PLPPR1: variants seen among roughly 807,000 people sequenced by gnomAD.
PLPPR1 encodes phospholipid phosphatase related 1, also known as phospholipid phosphatase-related protein type 1.
A neutral mutation model predicts 33.1 loss-of-function variants in PLPPR1; 10 were observed. That is an observed-to-expected ratio of 0.30 (90% CI 0.19 to 0.51). PLPPR1 has a LOEUF of 0.51. Ranked by LOEUF, PLPPR1 falls within the 20% of genes least tolerant of loss-of-function variation. The pLI is 0.97. For missense variants in PLPPR1, 304 were observed against 408.1 expected (o/e 0.74, Z 2.20); for synonymous variants, 151 against 151.0 (o/e 1.00, Z 0.00).
intron 1 of PLPPR1, among the ~76,000 whole-genome samples, chr9:101,040,827 T>C (rs10989360): frequency 0.032 from 4,868 of 152,288 alleles, 140 homozygotes; most frequent in East Asian, 0.082. Flanking sequence ...AGGGACTCTG[T>C]ATATTTTGTC....
intron 1 of PLPPR1, among the ~76,000 whole-genome samples, chr9:101,124,530 T>C (rs1311246976): frequency 2.0e-5 from 3 of 152,176 alleles, no homozygotes. Flanking sequence ...AAGCATACCC[T>C]CACCTCCATA....
At chr9:101,179,288 G>T (rs1485298483) in intron 1 of PLPPR1, among the ~76,000 whole-genome samples, 2 of 152,028 alleles carry the variant, frequency 1.3e-5, no homozygotes, top group African/African-American at 4.8e-5. Context: ...ACACCATCAG[G>T]AAAAAAAGCA....
intron 1 of PLPPR1, among the ~76,000 whole-genome samples, chr9:101,063,709 C>G (rs1452893316): frequency 1.3e-5 from 2 of 151,996 alleles, no homozygotes; most frequent in Admixed American, 6.6e-5. Flanking sequence ...CTTAACTTGT[C>G]TGGTCATTTT....
At chr9:101,126,129 C>G (rs1343765291) in intron 1 of PLPPR1, among the ~76,000 whole-genome samples, 3 of 152,172 alleles carry the variant, frequency 2.0e-5, no homozygotes, top group African/African-American at 7.2e-5. Flanking sequence ...CTTGATTAAC[C>G]CAATATAGAG....
intron 1 of PLPPR1, among the ~76,000 whole-genome samples, chr9:101,159,213 A>G (rs1831740879): frequency 6.6e-6 from 1 of 152,208 alleles, no homozygotes; most frequent in Non-Finnish European, 1.5e-5. Flanking sequence ...CCCCAGTCAC[A>G]GAATTCATAT....
In PLPPR1 at chr9:101,077,344, G is replaced by A. The variant is rs557589583; in HGVS notation, c.-46+48242G>A. 2.7e-4 allele frequency among the ~76,000 whole-genome samples: 41 copies of A among 152,138 alleles called. 1 individual carries two copies. In the South Asian group the frequency reaches 4.1e-3, roughly 15 times the overall value. On this transcript the variant is annotated intron_variant, in intron 1 of 7. Transcript: ENST00000374874. The stretch of plus-strand genomic sequence containing the variant: ...TATTCTCTTTTCTACCAGCCACCCC[G>A]TTTCTCCAGCCGACTGGCTTAACCA...
At chr9:101,111,164 A>G (rs1446675554) in intron 1 of PLPPR1, among the ~76,000 whole-genome samples, 1 of 152,126 alleles carries the variant, frequency 6.6e-6, no homozygotes. Flanking sequence ...TGATTTTTAT[A>G]TTCTTCTTTT....
At chr9:101,198,672 C>T (rs12342841) in intron 2 of PLPPR1, among the ~76,000 whole-genome samples, 19,569 of 152,098 alleles carry the variant, frequency 0.13, 1,505 homozygotes, top group East Asian at 0.3. Context: ...GAAAGCCAAC[C>T]AGAGGAATTT....
In PLPPR1 at chr9:101,062,689, G is replaced by GT. The variant is rs988265801; in HGVS notation, c.-46+33593dup. 2.0e-5 allele frequency among the ~76,000 whole-genome samples: 3 copies of GT among 152,012 alleles called. 1 individual carries two copies. Among genetic ancestry groups the GT allele is most frequent in the Non-Finnish European group, 4.4e-5 (3 of 67,958 alleles). On this transcript the variant is annotated intron_variant, in intron 1 of 7. Coordinates refer to ENST00000374874, the MANE Select transcript of PLPPR1 (RefSeq NM_207299.2). ...AGGCAACTAAAATTACCTGAAATTT[G>GT]TTTTTTGTCTAAATATTCTTTCCCA... is the stretch of plus-strand genomic sequence containing the variant.
At chr9:101,206,605 G>A (rs1252554777) in intron 2 of PLPPR1, among the ~76,000 whole-genome samples, 1 of 152,152 alleles carries the variant, frequency 6.6e-6, no homozygotes, top group East Asian at 1.9e-4. Flanking sequence ...GACAGGATTG[G>A]TTTAAACTTG....
chr9:101,180,577 A>G (rs899983892), intron 1 of PLPPR1, among the ~76,000 whole-genome samples: 1 of 151,926 alleles, frequency 6.6e-6, no homozygotes, highest in Non-Finnish European at 1.5e-5. Context: ...GCCCAGAAAT[A>G]AGCCCATATA....
At chr9:101,051,210 C>A (rs921303570) in intron 1 of PLPPR1, among the ~76,000 whole-genome samples, 18 of 151,520 alleles carry the variant, frequency 1.2e-4, no homozygotes, top group African/African-American at 4.1e-4. Context: ...AAGTTTTTAC[C>A]CATATCCTCT....
At chr9:101,150,692 G>A (rs749153454) in intron 1 of PLPPR1, among the ~76,000 whole-genome samples, 16 of 152,138 alleles carry the variant, frequency 1.1e-4, no homozygotes, top group Non-Finnish European at 1.8e-4. Context: ...CTGTCATCCT[G>A]TTCTCCTCTG....
chr9:101,193,017 T>C (rs1275543605), intron 2 of PLPPR1, among the ~76,000 whole-genome samples: 1 of 152,196 alleles, frequency 6.6e-6, no homozygotes, highest in Middle Eastern at 3.2e-3. Context: ...GCACCCTTTA[T>C]CCTTGTCTTT....
chr9:101,071,091 G>T (rs532414223), intron 1 of PLPPR1, among the ~76,000 whole-genome samples: 8 of 152,086 alleles, frequency 5.3e-5, no homozygotes, highest in Non-Finnish European at 1.2e-4. Context: ...GGAATGGGGA[G>T]GCCGAGGGCT....
intron 1 of PLPPR1, among the ~76,000 whole-genome samples, chr9:101,088,902 G>T (rs918802911): frequency 2.6e-5 from 4 of 152,008 alleles, no homozygotes; most frequent in African/African-American, 7.2e-5. Flanking sequence ...AAACACAAAA[G>T]AGCTACTCAT....
chr9:101,270,804 C>A (rs907681144), intron 3 of PLPPR1, among the ~76,000 whole-genome samples: 1 of 152,050 alleles, frequency 6.6e-6, no homozygotes, highest in Admixed American at 6.6e-5. Context: ...TTAAGTGTTT[C>A]TGCCTAAATA....
chr9:101,192,835 T>C (rs770410143), intron 2 of PLPPR1, among the ~76,000 whole-genome samples: 3 of 152,134 alleles, frequency 2.0e-5, no homozygotes, highest in Non-Finnish European at 4.4e-5. Flanking sequence ...TTTTTGAGAG[T>C]ATTTTAAATT....
At position 101,074,450 on chromosome 9, in the gene PLPPR1, A is replaced by G. The variant is rs146427868; in HGVS notation, c.-46+45348A>G. Among the ~76,000 whole-genome samples, 721 of 152,320 alleles carry G rather than the reference A, an allele frequency of 4.7e-3. 13 individuals carry two copies. The highest frequency in any genetic ancestry group is 0.016 in the African/African-American group (663 of 41,576). On this transcript the variant is annotated intron_variant, in intron 1 of 7. Transcript: ENST00000374874. ...TTAGTGACTTGTTTTGCCACATTAC[A>G]TGATAACCCATTTGCAGCAACAGGT...
Sources: gnomAD v4.1 joint callset for allele counts (sites outside exome capture counted in the v4.1 genomes callset) on GRCh38, gnomAD v4.1.1 for gene constraint, MANE v1.5 for transcripts, NCBI Gene and HGNC (gene_info 2026-07-23, HGNC 2026-07-21) for gene names.